The following NLRP11 variants were observed in gnomAD, a reference collection of about 807,000 sequenced individuals.
NLRP11 encodes NLR family pyrin domain containing 11, also known as NACHT, LRR and PYD domains-containing protein 11.
In NLRP11, 53 loss-of-function variants were observed where a neutral mutation model predicts 79.3. The ratio of observed to expected loss-of-function variants is 0.67; its 90% confidence interval spans 0.54 to 0.84. The LOEUF is 0.84. Among genes scored for constraint, NLRP11 ranks in the 40% least tolerant of loss-of-function variants. The pLI, the probability that NLRP11 is intolerant of heterozygous loss-of-function variation, is 0.00. For missense variants in NLRP11, 1,264 were observed against 1,255.0 expected (o/e 1.01, Z -0.11); for synonymous variants, 518 against 462.6 (o/e 1.12, Z -1.54).
At chr19:55,786,764 G>A (rs974237047) in intron 9 of NLRP11, among the ~76,000 whole-genome samples, 1 of 152,052 alleles carries the variant, frequency 6.6e-6, no homozygotes, top group Non-Finnish European at 1.5e-5. Context: ...TGGCATCATG[G>A]AGCTCATGTT....
At chr19:55,793,757 A>G (rs1351408231) in intron 6 of NLRP11, among the ~76,000 whole-genome samples, 1 of 151,924 alleles carries the variant, frequency 6.6e-6, no homozygotes, top group Non-Finnish European at 1.5e-5. Context: ...GAAAATGTAT[A>G]TGTAGTTATT....
At chr19:55,821,201 T>TCACACACA (rs1425868256) in intron 1 of NLRP11, among the ~76,000 whole-genome samples, 3 of 89,326 alleles carry the variant, frequency 3.4e-5, no homozygotes, top group Non-Finnish European at 4.4e-5. Context: ...TCTCTCTCTC[T>TCACACACA]CTCTCACACA....
At chr19:55,790,944 C>T (rs919275324) in intron 7 of NLRP11, among the ~76,000 whole-genome samples, 1 of 152,148 alleles carries the variant, frequency 6.6e-6, no homozygotes, top group Non-Finnish European at 1.5e-5. Flanking sequence ...AGGTGATAGA[C>T]AAAATGGACA....
exon 3 of NLRP11, chr19:55,810,052 G>A: frequency 6.2e-7 from 1 of 1,614,092 alleles, no homozygotes; most frequent in Non-Finnish European, 8.5e-7. Context: ...CGTGAGCAGT[G>A]AGGTGAACGA....
At position 55,817,939 on chromosome 19, in the gene NLRP11, T is replaced by C. The variant is rs766975249; in HGVS notation, c.236A>G (p.Glu79Gly). Residue 79 changes from glutamate (E) to glycine (G), a missense_variant, in exon 2 of 10, where the codon GAA (glutamate) becomes GGA (glycine). By Grantham distance (98) the Glu-to-Gly change is moderately conservative. Transcript: ENST00000589093. ...GCCAATGATCTTCCTACAAAGATCT[T>C]CCTTACGCATCATTGAAAATATGCT... 1.4e-5 allele frequency: 22 copies of C among 1,613,118 alleles called. No individual in the cohort carries two copies. In the Admixed American group the frequency reaches 3.7e-4, roughly 27 times the overall value.
chr19:55,793,895 C>T (rs12976318), intron 6 of NLRP11, among the ~76,000 whole-genome samples: 4 of 152,162 alleles, frequency 2.6e-5, no homozygotes, highest in Non-Finnish European at 4.4e-5. Flanking sequence ...CTGTTGTCCT[C>T]GTAGAAACCA....
At chr19:55,805,573 T>G (rs571502236) in intron 4 of NLRP11, among the ~76,000 whole-genome samples, 5 of 151,848 alleles carry the variant, frequency 3.3e-5, no homozygotes, top group Non-Finnish European at 7.4e-5. Context: ...GGAGTCTCAC[T>G]CTGTCACCCA....
chr19:55,818,056 G>A (rs2122870530), exon 2 of NLRP11: 3 of 1,614,022 alleles, frequency 1.9e-6, no homozygotes, highest in Middle Eastern at 3.3e-4. Flanking sequence ...TGGAAACTGT[G>A]GCAGTTTGAA....
upstream of NLRP11, chr19:55,832,785 A>G (rs1370801442): frequency 6.6e-6 from 1 of 152,230 alleles, no homozygotes; most frequent in African/African-American, 2.4e-5. Context: ...GCAAGAGCAA[A>G]CAAAAATCTC....
rs765224655 is a variant in NLRP11, at chr19:55,809,691, T to G, written c.919A>C (p.Ile307Leu). The change falls in exon 3 of 10, where the codon ATA becomes CTA. Residue 307 changes from isoleucine to leucine, a missense_variant. By Grantham distance (5) the Ile-to-Leu change is conservative (BLOSUM62 2). Coordinates refer to ENST00000589093, the Ensembl canonical transcript of NLRP11. The surrounding 1 kb of genome is among the most constrained non-coding windows in gnomAD (Gnocchi z 4.5). The stretch of plus-strand genomic sequence containing the variant: ...TCTTTAAAGAAAGAGTTAAAATATA[T>G]CTCCCTCTTCCCATTCGACAGCTGC... The G allele has an allele frequency of 5.6e-6, 9 of 1,613,978 alleles. No individual in the cohort carries two copies. The highest frequency in any genetic ancestry group is 5.3e-5 in the African/African-American group (4 of 74,908).
intron 2 of NLRP11, among the ~76,000 whole-genome samples, chr19:55,814,513 G>A (rs762243406): frequency 2.6e-5 from 4 of 151,854 alleles, no homozygotes; most frequent in Non-Finnish European, 5.9e-5. Flanking sequence ...TATACATTTT[G>A]GACACAGTTG....
At chr19:55,786,808 A>G (rs536302350) in intron 9 of NLRP11, among the ~76,000 whole-genome samples, 4 of 152,328 alleles carry the variant, frequency 2.6e-5, no homozygotes, top group African/African-American at 9.6e-5. Context: ...GAATAAATAC[A>G]TTATACATTT....
intron 1 of NLRP11, among the ~76,000 whole-genome samples, chr19:55,820,431 T>C (rs191663949): frequency 1.7e-4 from 26 of 152,050 alleles, no homozygotes; most frequent in African/African-American, 6.0e-4. Flanking sequence ...TGGCAGGGGA[T>C]AGACAAATGA....
At chr19:55,812,275 C>T (rs146166185) in intron 2 of NLRP11, among the ~76,000 whole-genome samples, 2 of 152,166 alleles carry the variant, frequency 1.3e-5, no homozygotes, top group South Asian at 4.2e-4. Flanking sequence ...TTAAAATATA[C>T]ACTATGCAAA....
rs201767523 is a variant in NLRP11 at position 55,809,001 on chromosome 19, C to T, written c.1609G>A (p.Glu537Lys). ...AAAGGCATATGGTGCGTCAACTTTT[C>T]CGGGTCACGGTCCAAATGTTTCATG... Residue 537 changes from glutamate to lysine, a missense_variant, in exon 3 of 10, where the codon GAA becomes AAA. Physicochemically the swap from Glu to Lys is moderately conservative, Grantham distance 56. Transcript: ENST00000589093. This position sits in a 1 kb window ranked among gnomAD's most constrained non-coding sequence, Gnocchi z 4.5. 1.2e-6 allele frequency: 2 copies of T among 1,614,158 alleles called. No homozygotes were observed. The highest frequency in any genetic ancestry group is 1.7e-6 in the Non-Finnish European group (2 of 1,180,034).
At chr19:55,812,536 A>G (rs1980703737) in intron 2 of NLRP11, among the ~76,000 whole-genome samples, 1 of 152,226 alleles carries the variant, frequency 6.6e-6, no homozygotes, top group African/African-American at 2.4e-5. Context: ...AATAAAAATC[A>G]CGATGAGCTA....
At chr19:55,785,493 TCACACACACACACACACACACACA>T (rs878891245) in exon 10 of NLRP11, 9 of 424,530 alleles carry the variant, frequency 2.1e-5, no homozygotes, top group East Asian at 3.9e-5. Flanking sequence ...TGGATCAAGG[TCACACACACACACACACACACACA>T]CACACACACA....
chr19:55,794,083 T>A lies in NLRP11; in HGVS notation c.2343-1612A>T, dbSNP rs1209715850. Among the ~76,000 whole-genome samples the A allele has an allele frequency of 2.0e-5, 3 of 152,200 alleles. No individual in the cohort carries two copies. In the East Asian group the frequency reaches 5.8e-4, roughly 29 times the overall value. Reference sequence around the variant, plus strand: ...AAACAAATATTTTTTGCTTAGTATATCTGGATTATTTTAAATACAGGTATG... The same window carrying A: ...AAACAAATATTTTTTGCTTAGTATAACTGGATTATTTTAAATACAGGTATG... On this transcript the variant is annotated intron_variant, in intron 6 of 9. Coordinates refer to ENST00000589093, the Ensembl canonical transcript of NLRP11.
In NLRP11 at chr19:55,809,890, G is replaced by C; in HGVS notation, c.720C>G (p.Val240=). Reference sequence around the variant, plus strand: ...TGTTACTACACAAAGCACTTTCATTGACATTTAACTCGAATCTTATGTTGT... The same window carrying C: ...TGTTACTACACAAAGCACTTTCATTCACATTTAACTCGAATCTTATGTTGT... The change falls in exon 3 of 10, where the codon GTC becomes GTG. Residue 240 remains valine, a synonymous_variant. Coordinates refer to ENST00000589093, the Ensembl canonical transcript of NLRP11. The surrounding 1 kb of genome is among the most constrained non-coding windows in gnomAD (Gnocchi z 4.5). 3 of 1,614,072 alleles carry C rather than the reference G, an allele frequency of 1.9e-6. No individual in the cohort carries two copies. Among genetic ancestry groups the C allele is most frequent in the Non-Finnish European group, 2.5e-6 (3 of 1,179,968 alleles).
Sources: gnomAD v4.1 joint callset for allele counts (sites outside exome capture counted in the v4.1 genomes callset) on GRCh38, gnomAD v4.1.1 for gene constraint, Gnocchi (gnomAD v3.1) non-coding constraint, MANE v1.5 for transcripts, NCBI Gene and HGNC (gene_info 2026-07-23, HGNC 2026-07-21) for gene names.